The following FAF1 variants were observed in gnomAD, a reference collection of about 807,000 sequenced individuals.
FAF1 encodes Fas associated factor 1.
In FAF1, 25 loss-of-function variants were observed where a neutral mutation model predicts 92.5. The ratio of observed to expected loss-of-function variants is 0.27; its 90% confidence interval spans 0.20 to 0.38. FAF1 has a LOEUF of 0.38. FAF1 is among the 10% of genes least tolerant of loss of function. The pLI is 1.00. For missense variants in FAF1, 636 were observed against 793.3 expected (o/e 0.80, Z 2.38); for synonymous variants, 234 against 273.2 (o/e 0.86, Z 1.42).
chr1:50,444,598 C>T (rs1557947427), intron 18 of FAF1, among the ~76,000 whole-genome samples: 1 of 152,358 alleles, frequency 6.6e-6, no homozygotes, highest in East Asian at 1.9e-4. Flanking sequence ...TCTTATCTTT[C>T]TCCCTCCTCT....
rs1558004161 is a variant in FAF1, at chr1:50,583,349, A to AT, written c.1031+302_1031+303insA. Among the ~76,000 whole-genome samples, 5 of 151,972 alleles carry AT rather than the reference A, an allele frequency of 3.3e-5. No individual in the cohort carries two copies. The highest frequency in any genetic ancestry group is 7.4e-5 in the Non-Finnish European group (5 of 67,878). On this transcript the variant is annotated intron_variant, in intron 11 of 18. Coordinates refer to ENST00000396153, the MANE Select transcript of FAF1 (RefSeq NM_007051.3). The surrounding 1 kb of genome is among the most constrained non-coding windows in gnomAD (Gnocchi z 4.2). ...AAGGATTTTCCATTTGACTGTCCTA[A>AT]GATATACTAAAAATTACTATCCTAT...
intron 8 of FAF1, among the ~76,000 whole-genome samples, chr1:50,628,666 T>C (rs563562767): frequency 6.6e-6 from 1 of 152,272 alleles, no homozygotes; most frequent in African/African-American, 2.4e-5. Context: ...ACTAAAAGAA[T>C]TGTCAAACAG....
At chr1:50,651,928 T>C (rs1654882385) in intron 8 of FAF1, among the ~76,000 whole-genome samples, 2 of 152,236 alleles carry the variant, frequency 1.3e-5, no homozygotes, top group African/African-American at 4.8e-5. Flanking sequence ...AGAATACTAG[T>C]TATAAGCCAT....
At chr1:50,746,293 T>TATATA (rs1281562796) in intron 4 of FAF1, among the ~76,000 whole-genome samples, 1 of 19,632 alleles carries the variant, frequency 5.1e-5, no homozygotes, top group Non-Finnish European at 7.8e-5. Flanking sequence ...TATATATATA[T>TATATA]TTTTTTTTTT....
At chr1:50,852,051 G>T (rs921499884) in intron 2 of FAF1, among the ~76,000 whole-genome samples, 5 of 151,706 alleles carry the variant, frequency 3.3e-5, no homozygotes, top group African/African-American at 1.2e-4. Flanking sequence ...ATATAGAATG[G>T]CACAACCAAA....
At chr1:50,475,798 CTATT>C in intron 17 of FAF1, 119 bp from the exon 18 acceptor site, 2 of 611,898 alleles carry the variant, frequency 3.3e-6, no homozygotes, top group Non-Finnish European at 5.6e-6. Flanking sequence ...AGTCACTGCC[CTATT>C]TATTAGCCAA....
intron 1 of FAF1, among the ~76,000 whole-genome samples, chr1:50,900,804 G>A (rs956739028): frequency 4.6e-5 from 7 of 151,800 alleles, no homozygotes; most frequent in Admixed American, 2.0e-4. Context: ...ATTTATTCAC[G>A]TTCATCTTTC....
intron 1 of FAF1, among the ~76,000 whole-genome samples, chr1:50,916,488 T>A (rs999226613): frequency 1.3e-5 from 2 of 152,198 alleles, no homozygotes; most frequent in Non-Finnish European, 2.9e-5. Flanking sequence ...CTCCTCCTAA[T>A]GGACAAGTTG....
In FAF1 at chr1:50,518,390, G is replaced by T. The variant is rs533129598; in HGVS notation, c.1494+16979C>A. ...GACATTTGGGTTGTTTTTAGTTTTG[G>T]CAATTATGAACACAGCTTCAGCTTC... On this transcript the variant is annotated intron_variant, in intron 15 of 18. Coordinates refer to ENST00000396153, the MANE Select transcript of FAF1 (RefSeq NM_007051.3). Among the ~76,000 whole-genome samples the T allele has an allele frequency of 1.3e-3, 196 of 151,760 alleles. 6 individuals are homozygous for T. In the South Asian group the frequency reaches 0.038, roughly 29 times the overall value.
At chr1:50,952,449 G>C (rs903594298) in intron 1 of FAF1, among the ~76,000 whole-genome samples, 7 of 152,172 alleles carry the variant, frequency 4.6e-5, no homozygotes, top group Non-Finnish European at 7.4e-5. Context: ...GCGTGATCTC[G>C]GCTCGCTACA....
intron 6 of FAF1, among the ~76,000 whole-genome samples, chr1:50,710,055 T>C (rs575796709): frequency 6.6e-6 from 1 of 152,280 alleles, no homozygotes; most frequent in Non-Finnish European, 1.5e-5. Flanking sequence ...ACCTTAACAA[T>C]GTTAAAGACC....
At chr1:50,895,912 G>T (rs1644754275) in intron 1 of FAF1, among the ~76,000 whole-genome samples, 1 of 152,054 alleles carries the variant, frequency 6.6e-6, no homozygotes, top group Admixed American at 6.5e-5. Context: ...CATAAGAAAA[G>T]CCATGTATGA....
At chr1:50,832,370 G>T (rs1037567832) in intron 2 of FAF1, among the ~76,000 whole-genome samples, 33 of 152,124 alleles carry the variant, frequency 2.2e-4, no homozygotes, top group Admixed American at 2.0e-3. Flanking sequence ...AGTAGCAACA[G>T]GAACAAATTG....
rs1044602142 is a variant in FAF1 at position 50,583,466 on chromosome 1, C to T, written c.1031+186G>A. ...ATACAGAAATAAGTTGAATCTATCT[C>T]TAAAGTGGCATAAATGGTTTACTGG... On this transcript the variant is annotated intron_variant, in intron 11 of 18. Coordinates refer to ENST00000396153, the MANE Select transcript of FAF1 (RefSeq NM_007051.3). The surrounding 1 kb of genome is among the most constrained non-coding windows in gnomAD (Gnocchi z 4.2). Among the ~76,000 whole-genome samples the T allele has an allele frequency of 4.6e-5, 7 of 151,910 alleles. No individual in the cohort carries two copies. Among genetic ancestry groups the T allele is most frequent in the Non-Finnish European group, 1.0e-4 (7 of 67,864 alleles).
In FAF1 at chr1:50,844,066, C is replaced by A. The variant is rs575444875; in HGVS notation, c.114+13863G>T. On this transcript the variant is annotated intron_variant, in intron 2 of 18. Transcript: ENST00000396153. Reference sequence around the variant, plus strand: ...TCATTTTCTGTCTTTTTTATAGTAGCCACTTTAACCAGGGTGAGATGATAT... The same window carrying A: ...TCATTTTCTGTCTTTTTTATAGTAGACACTTTAACCAGGGTGAGATGATAT... 3.3e-5 allele frequency among the ~76,000 whole-genome samples: 5 copies of A among 152,250 alleles called. No individual in the cohort carries two copies. The South Asian group carries it at 1.0e-3, about 32-fold the overall frequency.
At chr1:50,819,008 CAT>C (rs1443689314) in intron 2 of FAF1, among the ~76,000 whole-genome samples, 2 of 152,116 alleles carry the variant, frequency 1.3e-5, no homozygotes, top group Non-Finnish European at 2.9e-5. Flanking sequence ...TGACCCATCA[CAT>C]AAGGTCAAGG....
intron 1 of FAF1, among the ~76,000 whole-genome samples, chr1:50,950,510 G>A (rs1645206035): frequency 6.6e-6 from 1 of 152,182 alleles, no homozygotes; most frequent in South Asian, 2.1e-4. Context: ...CACAGATAAA[G>A]GTAAATGAAC....
At chr1:50,452,974 T>C (rs889376908) in intron 18 of FAF1, among the ~76,000 whole-genome samples, 3 of 152,128 alleles carry the variant, frequency 2.0e-5, no homozygotes, top group Non-Finnish European at 4.4e-5. Flanking sequence ...CTAGTGAGAG[T>C]TGAACAAAAT....
At chr1:50,665,731 T>C (rs1655587259) in intron 7 of FAF1, among the ~76,000 whole-genome samples, 1 of 152,192 alleles carries the variant, frequency 6.6e-6, no homozygotes, top group African/African-American at 2.4e-5. Flanking sequence ...AGAAAAAAAT[T>C]TGCTGACCCC....
Sources: allele counts gnomAD v4.1 joint callset (sites outside exome capture counted in the v4.1 genomes callset), GRCh38; gene constraint gnomAD v4.1.1; non-coding constraint Gnocchi (gnomAD v3.1); transcripts MANE v1.5; gene names NCBI Gene and HGNC (gene_info 2026-07-23, HGNC 2026-07-21).